The following ASPA variants were observed in gnomAD, a reference collection of about 807,000 sequenced individuals.
ASPA encodes ACY-2.
Under a neutral mutation model 29.6 loss-of-function variants are expected in ASPA, and 25 were observed. The observed-to-expected ratio is 0.85, with a 90% confidence interval of 0.62 to 1.18. The LOEUF (loss-of-function observed/expected upper bound fraction) is 1.18. Ranked by LOEUF, ASPA falls within the 50% of genes most tolerant of loss-of-function variation. ASPA has a pLI of 0.00. For missense variants in ASPA, 333 were observed against 385.7 expected, an observed-to-expected ratio of 0.86 and a Z score of 1.14; for synonymous variants, 131 against 130.3, an observed-to-expected ratio of 1.01 and a Z score of -0.04.
intron 4 of ASPA, among the ~76,000 whole-genome samples, chr17:3,491,246 TAAC>T (rs1042573270): frequency 6.6e-5 from 10 of 152,328 alleles, no homozygotes; most frequent in Admixed American, 1.3e-4. Flanking sequence ...TGTTTAAGGT[TAAC>T]AACATCAGGG....
Position 3,489,261 on chromosome 17 carries a change from G to A in ASPA, c.553G>A (p.Gly185Arg), listed in dbSNP as rs772264936. 2 of 1,612,838 alleles carry A rather than the reference G, an allele frequency of 1.2e-6. No homozygotes were observed. The highest frequency in any genetic ancestry group is 1.7e-6 in the Non-Finnish European group (2 of 1,179,650). ...VGIEVGPQPQ[G>R]VLRADILDQM... ...TATAGAAGTTGGTCCTCAGCCTCAA[G>A]GGGTTCTGAGAGCTGATATCTTGGA... The change falls in exon 4 of 6, where the codon GGG becomes AGG. Residue 185 changes from glycine to arginine, a missense_variant. Gly to Arg is a moderately radical substitution (Grantham distance 125). Transcript: ENST00000263080.
rs140217217 is a variant in ASPA at position 3,499,913 on chromosome 17, A to T, written c.*825A>T. 356 of 152,376 alleles carry T rather than the reference A, an allele frequency of 2.3e-3. No homozygotes were observed. The highest frequency in any genetic ancestry group is 8.3e-3 in the African/African-American group (346 of 41,588). The allele number at this position is 152,376 out of a possible 1,614,324, so 9.4% of individuals were successfully genotyped here. A position where few individuals can be genotyped will look rare whatever the true frequency, so the allele number is the denominator to read the frequency against. On this transcript the variant is annotated 3_prime_UTR_variant, in exon 6 of 6. Transcript: ENST00000263080. Reference sequence around the variant, plus strand: ...ACAGGCTGAAAGCTAGGCCTCTTGCACTGGTTAGCCAAGTTGTGAATTCAA... The same window carrying T: ...ACAGGCTGAAAGCTAGGCCTCTTGCTCTGGTTAGCCAAGTTGTGAATTCAA...
intron 4 of ASPA, 77 bp downstream of exon 4, chr17:3,489,419 T>C (rs2073783979): frequency 7.9e-7 from 1 of 1,259,022 alleles, no homozygotes; most frequent in Non-Finnish European, 1.2e-6. Context: ...GGGTCAGATT[T>C]GCCATGCTAA....
At chr17:3,491,965 G>T (rs1052420633) in intron 4 of ASPA, among the ~76,000 whole-genome samples, 1 of 142,008 alleles carries the variant, frequency 7.0e-6, no homozygotes, top group African/African-American at 2.6e-5. Context: ...GGAGCCTCAA[G>T]TTCCTGGGCT....
In ASPA at chr17:3,501,135, T is replaced by C. The variant is rs2073985137; in HGVS notation, c.*2047T>C. The C allele has an allele frequency of 6.6e-6, 1 of 151,706 alleles. No individual in the cohort carries two copies. Among genetic ancestry groups the C allele is most frequent in the Admixed American group, 6.6e-5 (1 of 15,214 alleles). 9.4% of individuals were successfully genotyped at this position (151,706 alleles called of 1,614,324 possible). On this transcript the variant is annotated 3_prime_UTR_variant, in exon 6 of 6. Coordinates refer to ENST00000263080, the MANE Select transcript of ASPA (RefSeq NM_000049.4). ...AAATCTAACTATTTAAGAAATACAT[T>C]TCAGGCTGGGGGAGGGGAGAAAAAA...
intron 1 of ASPA, among the ~76,000 whole-genome samples, chr17:3,480,641 G>A (rs1343985650): frequency 2.6e-5 from 4 of 152,192 alleles, no homozygotes; most frequent in Non-Finnish European, 4.4e-5. Flanking sequence ...CCCTCCAGCT[G>A]CATGACTCCT....
Position 3,494,451 on chromosome 17 carries a change from A to T in ASPA, c.736A>T (p.Asn246Tyr). 2 of 1,599,114 alleles carry T rather than the reference A, an allele frequency of 1.3e-6. No homozygotes were observed. The highest frequency in any genetic ancestry group is 1.7e-6 in the Non-Finnish European group (2 of 1,166,266). Residue 246 changes from asparagine (N) to tyrosine (Y), a missense_variant, in exon 5 of 6, where the codon AAT becomes TAT. Physicochemically the swap from Asn to Tyr is moderately radical, Grantham distance 143. Transcript: ENST00000263080. The stretch of plus-strand genomic sequence containing the variant: ...AGAAATTGCTGCTATCATCCATCCT[A>T]ATCTGCAGGTAACATTTGTTCTTTC... ...NGEIAAIIHP[N>Y]LQDQDWKPLH...
chr17:3,476,789 G>A (rs575832289), intron 1 of ASPA, among the ~76,000 whole-genome samples: 73 of 152,256 alleles, frequency 4.8e-4, no homozygotes, highest in East Asian at 3.9e-4. Flanking sequence ...AATTCACTAC[G>A]TTTTCAAGCA....
Position 3,499,452 on chromosome 17 carries a change from CTT to C in ASPA, c.*365_*366del. 1.3e-3 allele frequency: 2 copies of C among 1,584 alleles called. No homozygotes were observed. The highest frequency in any genetic ancestry group is 7.1e-3 in the Non-Finnish European group (2 of 280). 0.1% of individuals were successfully genotyped at this position (1,584 alleles called of 1,614,324 possible). ...CTTACTACACTTCACGGATACTGTA[CTT>C]GTACTTTTTTTCCAAATTGAAGGTT... On this transcript the variant is annotated 3_prime_UTR_variant, in exon 6 of 6. Transcript: ENST00000263080.
rs909025404 is a variant in ASPA, at chr17:3,500,241, G to C, written c.*1153G>C. 1 of 152,232 alleles carries C rather than the reference G, an allele frequency of 6.6e-6. No individual in the cohort carries two copies. Among genetic ancestry groups the C allele is most frequent in the African/African-American group, 2.4e-5 (1 of 41,460 alleles). The allele number at this position is 152,232 out of a possible 1,614,324, so 9.4% of individuals were successfully genotyped here. On this transcript the variant is annotated 3_prime_UTR_variant, in exon 6 of 6. Transcript: ENST00000263080. ...AAGCGAACCAGCAAGTTGCTGATGT[G>C]GAAGCTGTAGCAAGTTATCCAGAAG...
chr17:3,499,166 G>C lies in ASPA; in HGVS notation c.*78G>C, dbSNP rs2073960996. 3 of 1,502,580 alleles carry C rather than the reference G, an allele frequency of 2.0e-6. No individual in the cohort carries two copies. Among genetic ancestry groups the C allele is most frequent in the South Asian group, 2.4e-5 (2 of 83,582 alleles). 93.1% of individuals were successfully genotyped at this position (1,502,580 alleles called of 1,614,324 possible). On this transcript the variant is annotated 3_prime_UTR_variant, in exon 6 of 6. Transcript: ENST00000263080. Reference sequence around the variant, plus strand: ...GTAAGCTCCTTAAGAGTAGGGTTGTGCCTTATTCAACTGCATACATAGCTC... The same window carrying C: ...GTAAGCTCCTTAAGAGTAGGGTTGTCCCTTATTCAACTGCATACATAGCTC...
chr17:3,479,630 T>A (rs1489107138), intron 1 of ASPA, among the ~76,000 whole-genome samples: 2 of 151,928 alleles, frequency 1.3e-5, no homozygotes, highest in African/African-American at 4.8e-5. Flanking sequence ...CCTTTCCACC[T>A]TCCCCCTGCA....
At chr17:3,495,031 C>T (rs1235129111) in intron 5 of ASPA, among the ~76,000 whole-genome samples, 1 of 152,052 alleles carries the variant, frequency 6.6e-6, no homozygotes, top group Non-Finnish European at 1.5e-5. Context: ...CCCCAACTCT[C>T]CTCAGAACCC....
rs894725653 is a variant in ASPA at position 3,499,813 on chromosome 17, C to T, written c.*725C>T. 4 of 152,176 alleles carry T rather than the reference C, an allele frequency of 2.6e-5. No individual in the cohort carries two copies. The highest frequency in any genetic ancestry group is 3.8e-4 in the East Asian group (2 of 5,202). The allele number at this position is 152,176 out of a possible 1,614,324, so 9.4% of individuals were successfully genotyped here. A position where few individuals can be genotyped will look rare whatever the true frequency, so the allele number is the denominator to read the frequency against. On this transcript the variant is annotated 3_prime_UTR_variant, in exon 6 of 6. Transcript: ENST00000263080. The stretch of plus-strand genomic sequence containing the variant: ...ATAATTAATAAGTCTACAGCAGACT[C>T]TGTGTGTTCAAGTGAAAGAAAGGGT...
chr17:3,494,291 A>G, intron 4 of ASPA, 59 bp from the exon 5 acceptor site: 1 of 1,352,950 alleles, frequency 7.4e-7, no homozygotes, highest in South Asian at 1.2e-5. Flanking sequence ...GGCATGAGCC[A>G]CCACACCCGG....
intron 5 of ASPA, among the ~76,000 whole-genome samples, chr17:3,495,238 A>G (rs1029699325): frequency 2.0e-5 from 3 of 152,222 alleles, no homozygotes; most frequent in Admixed American, 6.5e-5. Context: ...GAGATGGAAG[A>G]GAACTGGTGG....
rs59930743 is a variant in ASPA at position 3,490,310 on chromosome 17, T to C, written c.634+968T>C. Among the ~76,000 whole-genome samples the C allele has an allele frequency of 0.22, 34,054 of 152,026 alleles. 4,137 individuals carry two copies. The highest frequency in any genetic ancestry group is 0.31 in the African/African-American group (12,953 of 41,446). On this transcript the variant is annotated intron_variant, in intron 4 of 5. Transcript: ENST00000263080. The surrounding 1 kb of genome is among the most constrained non-coding windows in gnomAD (Gnocchi z 4.6). ...TGGGTATATGCAGCTCTATGCACTA[T>C]CTGCTCATTTATTTGGTAAATCTAA...
In ASPA at chr17:3,501,407, G is replaced by C. The variant is rs1453453117; in HGVS notation, c.*2319G>C. On this transcript the variant is annotated 3_prime_UTR_variant, in exon 6 of 6. Coordinates refer to ENST00000263080, the MANE Select transcript of ASPA (RefSeq NM_000049.4). ...GGAATTCGAGACTTGAGTAAAGGAA[G>C]TCATGCAGATGTACAGCAAGAGAAT... is the stretch of plus-strand genomic sequence containing the variant. 3 of 152,320 alleles carry C rather than the reference G, an allele frequency of 2.0e-5. No individual in the cohort carries two copies. The highest frequency in any genetic ancestry group is 7.2e-5 in the African/African-American group (3 of 41,466). The allele number at this position is 152,320 out of a possible 1,614,324, so 9.4% of individuals were successfully genotyped here. A position where few individuals can be genotyped will look rare whatever the true frequency, so the allele number is the denominator to read the frequency against.
Position 3,480,559 on chromosome 17 carries a change from AGC to A in ASPA, c.237-1043_237-1042del, listed in dbSNP as rs375260617. 2.9e-3 allele frequency among the ~76,000 whole-genome samples: 438 copies of A among 152,308 alleles called. 2 individuals carry two copies. Among genetic ancestry groups the A allele is most frequent in the African/African-American group, 9.9e-3 (413 of 41,564 alleles). ...AACTCAGGGTTTACAAAATATCTCA[AGC>A]CCTGATCTTAGGTTTTACAATAGTG... On this transcript the variant is annotated intron_variant, in intron 1 of 5. Transcript: ENST00000263080.
Sources: allele counts gnomAD v4.1 joint callset (sites outside exome capture counted in the v4.1 genomes callset), GRCh38; gene constraint gnomAD v4.1.1; non-coding constraint Gnocchi (gnomAD v3.1); transcripts MANE v1.5; gene names NCBI Gene and HGNC (gene_info 2026-07-23, HGNC 2026-07-21).